Variants in VPS41 observed in about 807,000 individuals in gnomAD.
The protein encoded by VPS41 is VPS41 subunit of HOPS complex.
A neutral mutation model predicts 130.9 loss-of-function variants in VPS41; 85 were observed. The observed-to-expected ratio is 0.65, with a 90% confidence interval of 0.55 to 0.78. The LOEUF is 0.78. Among genes scored for constraint, VPS41 ranks in the 30% least tolerant of loss-of-function variants. VPS41 has a pLI of 0.00. For missense variants in VPS41, 874 were observed against 1,018.7 expected (o/e 0.86, Z 1.93); for synonymous variants, 335 against 332.9 (o/e 1.01, Z -0.07).
chr7:38,770,369 G>A (rs1784132821), intron 14 of VPS41, among the ~76,000 whole-genome samples: 1 of 151,476 alleles, frequency 6.6e-6, no homozygotes, highest in Admixed American at 6.6e-5. Flanking sequence ...CTAAGGGCCG[G>A]AATGCATTCT....
chr7:38,888,366 G>A (rs1786781767), intron 2 of VPS41, among the ~76,000 whole-genome samples: 1 of 152,048 alleles, frequency 6.6e-6, no homozygotes, highest in South Asian at 2.1e-4. Context: ...AAAAAAGCAG[G>A]GGTTGCAATC....
chr7:38,869,104 G>A, intron 3 of VPS41, 42 bp downstream of exon 3: 1 of 1,452,480 alleles, frequency 6.9e-7, no homozygotes, highest in Non-Finnish European at 9.3e-7. Context: ...AATTTACAAT[G>A]GAAACAATTT....
intron 4 of VPS41, among the ~76,000 whole-genome samples, chr7:38,844,142 G>T (rs1216838754): frequency 6.6e-6 from 1 of 152,162 alleles, no homozygotes. Flanking sequence ...GATGATGACT[G>T]TTATACTCCT....
intron 2 of VPS41, among the ~76,000 whole-genome samples, chr7:38,893,170 A>C (rs370919449): frequency 1.3e-5 from 2 of 152,236 alleles, no homozygotes; most frequent in Non-Finnish European, 2.9e-5. Context: ...AACCGCACCA[A>C]TTTCCTTCAC....
chr7:38,823,998 T>C (rs1785222733), intron 5 of VPS41, among the ~76,000 whole-genome samples: 1 of 152,158 alleles, frequency 6.6e-6, no homozygotes, highest in Non-Finnish European at 1.5e-5. Flanking sequence ...GAAGTTTAAC[T>C]TGATGGACCC....
rs763203800 is a variant in VPS41, at chr7:38,850,684, CT to C, written c.246+11860del. Among the ~76,000 whole-genome samples the C allele has an allele frequency of 1.8e-4, 27 of 152,196 alleles. 1 individual carries two copies. Among genetic ancestry groups the C allele is most frequent in the Admixed American group, 7.2e-4 (11 of 15,288 alleles). On this transcript the variant is annotated intron_variant, in intron 4 of 28. Transcript: ENST00000310301. ...TTTTGAGCCATCACATGAGCCACCC[CT>C]GATCAATGTTATTTCTGCTTGTAAA...
chr7:38,880,907 C>T (rs990830573), intron 2 of VPS41, among the ~76,000 whole-genome samples: 8 of 152,192 alleles, frequency 5.3e-5, no homozygotes, highest in Non-Finnish European at 4.4e-5. Flanking sequence ...TTTATAAATA[C>T]AGCTCCCCAC....
Position 38,869,935 on chromosome 7 carries a change from TAAC to T in VPS41, c.61-685_61-683del, listed in dbSNP as rs1463197954. ...AACCAGAAAGTCTTGATGGAATATA[TAAC>T]AACATCTATCCAAGGCATCAAAGGG... On this transcript the variant is annotated intron_variant, in intron 2 of 28. Coordinates refer to ENST00000310301, the MANE Select transcript of VPS41 (RefSeq NM_014396.4). Among the ~76,000 whole-genome samples the T allele has an allele frequency of 4.6e-5, 7 of 152,264 alleles. No individual in the cohort carries two copies. In the South Asian group the frequency reaches 1.2e-3, roughly 27 times the overall value.
chr7:38,854,610 A>G (rs1302671542), intron 4 of VPS41, among the ~76,000 whole-genome samples: 1 of 152,220 alleles, frequency 6.6e-6, no homozygotes, highest in African/African-American at 2.4e-5. Flanking sequence ...GGAAGGTATG[A>G]AAAAAACCTT....
intron 14 of VPS41, among the ~76,000 whole-genome samples, chr7:38,769,434 C>T (rs1784113693): frequency 6.6e-6 from 1 of 152,300 alleles, no homozygotes; most frequent in South Asian, 2.1e-4. Context: ...TAATAGGACC[C>T]TAATGTGTCC....
At chr7:38,842,227 C>T (rs570650848) in intron 4 of VPS41, among the ~76,000 whole-genome samples, 2 of 152,226 alleles carry the variant, frequency 1.3e-5, no homozygotes, top group African/African-American at 2.4e-5. Flanking sequence ...CTCTTAATAC[C>T]TCTCAAATCC....
At chr7:38,729,306 ATAAAC>A (rs1795611208) in intron 25 of VPS41, among the ~76,000 whole-genome samples, 1 of 152,188 alleles carries the variant, frequency 6.6e-6, no homozygotes, top group Admixed American at 6.5e-5. Flanking sequence ...GGTATAGATA[ATAAAC>A]TAAACAGATA....
At chr7:38,749,602 G>A (rs368585918) in intron 22 of VPS41, among the ~76,000 whole-genome samples, 23 of 152,234 alleles carry the variant, frequency 1.5e-4, no homozygotes, top group Non-Finnish European at 2.9e-4. Flanking sequence ...TTTCTTTGGG[G>A]AAAGGGAGGC....
At position 38,758,323 on chromosome 7, in the gene VPS41, T is replaced by C. The variant is rs774884472; in HGVS notation, c.1550+31A>G. The stretch of plus-strand genomic sequence containing the variant: ...TGAAAAACTTTTCAACACAGACTGA[T>C]ATGGAAAAAGAAACACTTAAGTATA... On this transcript the variant is annotated intron_variant, in intron 18 of 28. Coordinates refer to ENST00000310301, the MANE Select transcript of VPS41 (RefSeq NM_014396.4). 8.9e-6 allele frequency: 14 copies of C among 1,581,134 alleles called. No homozygotes were observed. In the South Asian group the frequency reaches 1.7e-4, roughly 19 times the overall value.
At chr7:38,862,107 G>A (rs1243927946) in intron 4 of VPS41, among the ~76,000 whole-genome samples, 2 of 152,116 alleles carry the variant, frequency 1.3e-5, no homozygotes, top group African/African-American at 4.8e-5. Flanking sequence ...AACTTCCAGA[G>A]TATGTAAATT....
chr7:38,724,087 A>G lies in VPS41; in HGVS notation c.*2159T>C, dbSNP rs1640137538. ...CTGAAATGATAAACGAACATATTTT[A>G]TTATTTTCCTTTTAAATCAGTTACT... On this transcript the variant is annotated 3_prime_UTR_variant, in exon 29 of 29. Coordinates refer to ENST00000310301, the MANE Select transcript of VPS41 (RefSeq NM_014396.4). 1 of 152,182 alleles carries G rather than the reference A, an allele frequency of 6.6e-6. No individual in the cohort carries two copies. The highest frequency in any genetic ancestry group is 1.5e-5 in the Non-Finnish European group (1 of 68,008). 9.4% of individuals were successfully genotyped at this position (152,182 alleles called of 1,614,324 possible).
chr7:38,810,820 CAACAGAGGAGGGATCTTG>C lies in VPS41; in HGVS notation c.450+6979_450+6996del, dbSNP rs1393364067. 3.3e-5 allele frequency among the ~76,000 whole-genome samples: 5 copies of C among 152,246 alleles called. No individual in the cohort carries two copies. The East Asian group carries it at 9.6e-4, about 29-fold the overall frequency. On this transcript the variant is annotated intron_variant, in intron 7 of 28. Coordinates refer to ENST00000310301, the MANE Select transcript of VPS41 (RefSeq NM_014396.4). ...CCCTATGTGATCTGCCACCTGTTCT[CAACAGAGGAGGGATCTTG>C]ATATCTATAACATGATTATTGCAAG... is the stretch of plus-strand genomic sequence containing the variant.
intron 6 of VPS41, among the ~76,000 whole-genome samples, chr7:38,820,280 T>TCC (rs1785146653): frequency 6.6e-6 from 1 of 152,184 alleles, no homozygotes; most frequent in Non-Finnish European, 1.5e-5. Flanking sequence ...TTGTCTTTTG[T>TCC]CCCCAATCAC....
Position 38,754,908 on chromosome 7 carries a change from T to A in VPS41, c.1724A>T (p.Glu575Val), listed in dbSNP as rs763914457. The A allele has an allele frequency of 6.2e-7, 1 of 1,613,570 alleles. No homozygotes were observed. The highest frequency in any genetic ancestry group is 8.5e-7 in the Non-Finnish European group (1 of 1,179,790). The change falls in exon 20 of 29, where the codon GAA becomes GTA. Residue 575 changes from glutamate (E) to valine (V), a missense_variant. Coordinates refer to ENST00000310301, the MANE Select transcript of VPS41 (RefSeq NM_014396.4). ...AATGACACTCACTGAAATTTTATCTTCATTGTCCAAAAGCATGTCAACAGC... is the reference window on the plus strand; with the variant it reads ...AATGACACTCACTGAAATTTTATCTACATTGTCCAAAAGCATGTCAACAGC... ...EKAVDMLLDN[E>V]DKISIKKVVE...
Sources: allele counts gnomAD v4.1 joint callset (sites outside exome capture counted in the v4.1 genomes callset), GRCh38; gene constraint gnomAD v4.1.1; transcripts MANE v1.5; gene names NCBI Gene and HGNC (gene_info 2026-07-23, HGNC 2026-07-21).